FRMD4A: variants seen among roughly 807,000 people sequenced by gnomAD.
FRMD4A encodes FERM domain-containing protein 4A.
A neutral mutation model predicts 129.1 loss-of-function variants in FRMD4A; 29 were observed. The observed-to-expected ratio is 0.22, with a 90% CI of 0.17 to 0.31. FRMD4A has a LOEUF of 0.31. Ranked by LOEUF, FRMD4A falls within the 10% of genes least tolerant of loss-of-function variation. FRMD4A has a pLI of 1.00. For missense variants in FRMD4A, 1,272 were observed against 1,375.8 expected, an observed-to-expected ratio of 0.92 and a Z score of 1.19; for synonymous variants, 634 against 571.6, an observed-to-expected ratio of 1.11 and a Z score of -1.56.
chr10:14,301,777 T>C (rs1353237182), intron 2 of FRMD4A, among the ~76,000 whole-genome samples: 1 of 152,178 alleles, frequency 6.6e-6, no homozygotes, highest in East Asian at 1.9e-4. Context: ...CCAGAAAAGA[T>C]TCATGGGCAG....
chr10:13,838,804 G>T (rs533678584), intron 3 of FRMD4A, among the ~76,000 whole-genome samples: 14 of 152,038 alleles, frequency 9.2e-5, no homozygotes, highest in African/African-American at 3.1e-4. Flanking sequence ...TGTTCTGTTT[G>T]CTACATACCT....
chr10:13,820,624 T>A (rs1217936180), intron 3 of FRMD4A, among the ~76,000 whole-genome samples: 2 of 152,058 alleles, frequency 1.3e-5, no homozygotes, highest in Non-Finnish European at 2.9e-5. Flanking sequence ...GGAACCACGG[T>A]CTCCTCTGAA....
At chr10:13,765,410 C>A (rs2092253057) in intron 6 of FRMD4A, among the ~76,000 whole-genome samples, 1 of 152,134 alleles carries the variant, frequency 6.6e-6, no homozygotes, top group South Asian at 2.1e-4. Context: ...AGCCACCATG[C>A]CCGGCCGATT....
chr10:14,003,627 G>C (rs965133744), intron 2 of FRMD4A: 1 of 151,536 alleles, frequency 6.6e-6, no homozygotes, highest in Admixed American at 6.6e-5. Context: ...GGCATCTCAG[G>C]GTGTGAAGAA....
intron 2 of FRMD4A, among the ~76,000 whole-genome samples, chr10:14,322,011 C>T (rs1843075950): frequency 6.6e-6 from 1 of 152,190 alleles, no homozygotes; most frequent in East Asian, 1.9e-4. Context: ...CTTCGTCTTC[C>T]ACCATGATTG....
At chr10:14,162,029 T>G (rs1331612597) in intron 2 of FRMD4A, among the ~76,000 whole-genome samples, 1 of 150,870 alleles carries the variant, frequency 6.6e-6, no homozygotes, top group Non-Finnish European at 1.5e-5. Flanking sequence ...ATTAGATATT[T>G]TATATAATTT....
chr10:14,129,949 C>T (rs1196638255), intron 2 of FRMD4A, among the ~76,000 whole-genome samples: 1 of 152,192 alleles, frequency 6.6e-6, no homozygotes, highest in African/African-American at 2.4e-5. Context: ...ATTCCCTCTT[C>T]CCTGTGGTGG....
At chr10:13,832,727 G>C (rs892672269) in intron 3 of FRMD4A, among the ~76,000 whole-genome samples, 2 of 152,144 alleles carry the variant, frequency 1.3e-5, no homozygotes, top group African/African-American at 4.8e-5. Flanking sequence ...CTGCAGGCCA[G>C]GGGGTAGGTG....
At chr10:13,737,983 A>G (rs1049130248) in intron 11 of FRMD4A, 53 bp from the exon 12 acceptor site, 53 of 988,298 alleles carry the variant, frequency 5.4e-5, no homozygotes, top group East Asian at 2.4e-4. Flanking sequence ...AAGTAAACAC[A>G]CGCAAAGTGG....
At chr10:13,766,425 T>C (rs1255273099) in intron 6 of FRMD4A, among the ~76,000 whole-genome samples, 1 of 151,966 alleles carries the variant, frequency 6.6e-6, no homozygotes, top group Non-Finnish European at 1.5e-5. Context: ...GGAGGGAAAA[T>C]GATTAAAGAT....
chr10:14,156,401 TC>T (rs1158921005), intron 2 of FRMD4A, among the ~76,000 whole-genome samples: 9 of 152,230 alleles, frequency 5.9e-5, no homozygotes, highest in African/African-American at 2.2e-4. Flanking sequence ...AATAAACAAA[TC>T]GCAGATGATT....
At chr10:14,076,437 G>A (rs7098430) in intron 2 of FRMD4A, among the ~76,000 whole-genome samples, 20,518 of 152,020 alleles carry the variant, frequency 0.13, 1,839 homozygotes, top group African/African-American at 0.25. Flanking sequence ...TCAGGAGATC[G>A]AGACCATCCT....
chr10:13,877,864 C>A (rs981648361), intron 2 of FRMD4A, among the ~76,000 whole-genome samples: 1 of 152,118 alleles, frequency 6.6e-6, no homozygotes, highest in Non-Finnish European at 1.5e-5. Context: ...GTCAGGAGCT[C>A]CCAGGAGGGG....
intron 2 of FRMD4A, among the ~76,000 whole-genome samples, chr10:13,928,103 C>T (rs2095154559): frequency 1.3e-5 from 2 of 149,076 alleles, no homozygotes; most frequent in Admixed American, 1.4e-4. Context: ...TCCTTGCAGT[C>T]TTGACCTCCC....
intron 2 of FRMD4A, among the ~76,000 whole-genome samples, chr10:13,864,306 C>T (rs2094334963): frequency 8.0e-6 from 1 of 125,762 alleles, no homozygotes; most frequent in South Asian, 2.6e-4. Flanking sequence ...ATAGCAAAGC[C>T]ATTTCTTAAA....
At chr10:13,660,110 C>T (rs1240808637) in intron 20 of FRMD4A, among the ~76,000 whole-genome samples, 2 of 152,312 alleles carry the variant, frequency 1.3e-5, no homozygotes, top group South Asian at 2.1e-4. Flanking sequence ...GGGCCAAAGC[C>T]CCAATTTCTC....
intron 2 of FRMD4A, among the ~76,000 whole-genome samples, chr10:14,111,521 C>T (rs888097962): frequency 3.9e-5 from 6 of 152,158 alleles, no homozygotes; most frequent in South Asian, 2.1e-4. Context: ...GATAGCTAAG[C>T]TTGCAGCACT....
chr10:13,649,884 A>C (rs1421571343), intron 24 of FRMD4A, among the ~76,000 whole-genome samples: 1 of 152,222 alleles, frequency 6.6e-6, no homozygotes, highest in Non-Finnish European at 1.5e-5. Flanking sequence ...CTAAAAACCT[A>C]AGTCAGTCAT....
At chr10:14,093,972 C>T (rs1050110685) in intron 2 of FRMD4A, among the ~76,000 whole-genome samples, 6 of 152,236 alleles carry the variant, frequency 3.9e-5, no homozygotes, top group Admixed American at 3.9e-4. Flanking sequence ...CAACAGCTTT[C>T]ACCAGTGACT....
Sources: allele counts gnomAD v4.1 joint callset (sites outside exome capture counted in the v4.1 genomes callset), GRCh38; gene constraint gnomAD v4.1.1; transcripts MANE v1.5; gene names NCBI Gene and HGNC (gene_info 2026-07-23, HGNC 2026-07-21).